CSE1L: variants seen among roughly 807,000 people sequenced by gnomAD.
CSE1L encodes exportin-2.
Under a neutral mutation model 120.4 loss-of-function variants are expected in CSE1L, and 24 were observed. That is an observed-to-expected ratio of 0.20 (90% confidence interval 0.14 to 0.28). CSE1L has a LOEUF of 0.28. CSE1L is among the 10% of genes least tolerant of loss of function. CSE1L has a pLI of 1.00. For missense variants in CSE1L, 830 were observed against 1,145.2 expected (o/e 0.72, Z 3.97); for synonymous variants, 402 against 398.3 (o/e 1.01, Z -0.11).
In CSE1L at chr20:49,068,771, G is replaced by C. The variant is rs1188054238; in HGVS notation, c.624G>C (p.Leu208=). The change falls in exon 7 of 25, where the codon CTG becomes CTC. Residue 208 remains leucine, a synonymous_variant. Coordinates refer to ENST00000262982, the MANE Select transcript of CSE1L (RefSeq NM_001316.4). The stretch of plus-strand genomic sequence containing the variant: ...ATGATGCCTCTGCCCTGAGGATTCT[G>C]TTTTCTTCCCTGATCCTGATCTCAA... ...HANDASALRI[L]FSSLILISKL... is the part of the protein sequence containing the mutation. 1 of 1,613,916 alleles carries C rather than the reference G, an allele frequency of 6.2e-7. No individual in the cohort carries two copies.
At chr20:49,069,146 T>C (rs1261739922) in intron 7 of CSE1L, among the ~76,000 whole-genome samples, 3 of 152,182 alleles carry the variant, frequency 2.0e-5, no homozygotes, top group African/African-American at 7.2e-5. Flanking sequence ...CTTTCGTTCA[T>C]TTATATGGGT....
rs566633577 is a variant in CSE1L, at chr20:49,065,422, A to G, written c.229-770A>G. On this transcript the variant is annotated intron_variant, in intron 3 of 24. Coordinates refer to ENST00000262982, the MANE Select transcript of CSE1L (RefSeq NM_001316.4). Reference sequence around the variant, plus strand: ...ATTGCAGCCTCTGCCTCTCAGGTCCAAATGATTGTCCTGCCTCAGCCTCCT... The same window carrying G: ...ATTGCAGCCTCTGCCTCTCAGGTCCGAATGATTGTCCTGCCTCAGCCTCCT... Among the ~76,000 whole-genome samples, 4 of 142,112 alleles carry G rather than the reference A, an allele frequency of 2.8e-5. No individual in the cohort carries two copies. The East Asian group carries it at 8.3e-4, about 30-fold the overall frequency. 93.2% of individuals were successfully genotyped at this position (142,112 alleles called of 152,430 possible).
Position 49,063,102 on chromosome 20 carries a change from C to T in CSE1L, c.86-100C>T, listed in dbSNP as rs543446236. 84 of 588,624 alleles carry T rather than the reference C, an allele frequency of 1.4e-4. No individual in the cohort carries two copies. In the East Asian group the frequency reaches 3.4e-3, roughly 24 times the overall value. 36.5% of individuals were successfully genotyped at this position (588,624 alleles called of 1,614,324 possible). On this transcript the variant is annotated intron_variant, in intron 2 of 24. Transcript: ENST00000262982. ...CCTGTAGACCCACAAATAACCTAAT[C>T]TTTTCTCTTTTTTTGATTTTTTTTT...
At chr20:49,061,318 G>A (rs1435452026) in intron 2 of CSE1L, among the ~76,000 whole-genome samples, 16 of 148,624 alleles carry the variant, frequency 1.1e-4, no homozygotes, top group African/African-American at 4.0e-4. Context: ...GACTACAGGC[G>A]CCCGCCACCA....
At position 49,046,838 on chromosome 20, in the gene CSE1L, C is replaced by T. The variant is rs926725438; in HGVS notation, c.-12+415C>T. 3.9e-5 allele frequency among the ~76,000 whole-genome samples: 6 copies of T among 152,230 alleles called. No individual in the cohort carries two copies. The South Asian group carries it at 1.0e-3, about 26-fold the overall frequency. On this transcript the variant is annotated intron_variant, in intron 1 of 24. Coordinates refer to ENST00000262982, the MANE Select transcript of CSE1L (RefSeq NM_001316.4). ...TCTGCGACGGTGGCTGCTAGCCGCG[C>T]GAGCTGAGTGTGCGGCGGCGAGGCC...
chr20:49,079,967 G>A (rs143723536), intron 14 of CSE1L, among the ~76,000 whole-genome samples: 7 of 152,140 alleles, frequency 4.6e-5, no homozygotes, highest in Admixed American at 6.5e-5. Context: ...CCATCTACTC[G>A]GGAGGCTGAG....
intron 18 of CSE1L, 67 bp from the exon 19 acceptor site, chr20:49,089,471 G>A (rs45549039): frequency 1.1e-5 from 18 of 1,594,742 alleles, no homozygotes; most frequent in East Asian, 4.5e-5. Flanking sequence ...CCACCTAAGC[G>A]ATGTGGGCCT....
At chr20:49,084,869 C>A (rs2092042254) in intron 15 of CSE1L, among the ~76,000 whole-genome samples, 1 of 152,136 alleles carries the variant, frequency 6.6e-6, no homozygotes, top group African/African-American at 2.4e-5. Flanking sequence ...GTAGAAAGGA[C>A]ATCCTTTGAG....
chr20:49,046,537 G>A (rs1014584587), intron 1 of CSE1L, 114 bp downstream of exon 1: 3 of 152,442 alleles, frequency 2.0e-5, no homozygotes, highest in East Asian at 3.9e-4. Context: ...GCGCCTCTGG[G>A]CGAGAGCGGA....
intron 17 of CSE1L, among the ~76,000 whole-genome samples, chr20:49,088,805 T>C (rs1484779469): frequency 1.3e-5 from 2 of 152,168 alleles, no homozygotes; most frequent in African/African-American, 4.8e-5. Flanking sequence ...ATGTTCTGAT[T>C]GAGTTAGATT....
Position 49,082,057 on chromosome 20 carries a change from G to A in CSE1L, c.1483-1969G>A, listed in dbSNP as rs73130189. On this transcript the variant is annotated intron_variant, in intron 14 of 24. Transcript: ENST00000262982. ...TCTTACGCTTTCACTACGCATTTATGTTTCTGCAAAAATTATTTAGTATTA... is the reference window on the plus strand; with the variant it reads ...TCTTACGCTTTCACTACGCATTTATATTTCTGCAAAAATTATTTAGTATTA... Among the ~76,000 whole-genome samples, 960 of 151,652 alleles carry A rather than the reference G, an allele frequency of 6.3e-3. 3 individuals are homozygous for A. The highest frequency in any genetic ancestry group is 8.0e-3 in the Non-Finnish European group (545 of 67,888).
chr20:49,078,529 A>T, intron 13 of CSE1L, 32 bp from the exon 14 acceptor site: 1 of 1,465,642 alleles, frequency 6.8e-7, no homozygotes. Flanking sequence ...CTTACCACTT[A>T]AGTAACTGTG....
intron 22 of CSE1L, among the ~76,000 whole-genome samples, chr20:49,092,730 T>C (rs918886968): frequency 6.6e-6 from 1 of 151,914 alleles, no homozygotes; most frequent in Non-Finnish European, 1.5e-5. Flanking sequence ...GACGAGTTAA[T>C]GGGTGCAGTA....
intron 15 of CSE1L, 92 bp from the exon 16 acceptor site, chr20:49,085,191 G>T: frequency 1.1e-6 from 1 of 895,752 alleles, no homozygotes; most frequent in Non-Finnish European, 1.8e-6. Context: ...TCAGTTTTAT[G>T]CTGAGAAGGG....
At position 49,089,328 on chromosome 20, in the gene CSE1L, G is replaced by T; in HGVS notation, c.1903G>T (p.Ala635Ser). 1 of 1,613,358 alleles carries T rather than the reference G, an allele frequency of 6.2e-7. No individual in the cohort carries two copies. Among genetic ancestry groups the T allele is most frequent in the Non-Finnish European group, 8.5e-7 (1 of 1,179,804 alleles). Residue 635 changes from alanine (A) to serine (S), a missense_variant, in exon 18 of 25, where the codon GCT becomes TCT. By Grantham distance (99) the Ala-to-Ser change is moderately conservative. Coordinates refer to ENST00000262982, the MANE Select transcript of CSE1L (RefSeq NM_001316.4). ...SIRITCKANP[A>S]AVVNFEEALF... is the part of the protein sequence containing the mutation. ...AAGAATAACTTGCAAAGCTAACCCTGCTGCTGTTGTAAATTTTGAGGAGGC... is the reference window on the plus strand; with the variant it reads ...AAGAATAACTTGCAAAGCTAACCCTTCTGCTGTTGTAAATTTTGAGGAGGC...
chr20:49,057,807 T>C lies in CSE1L; in HGVS notation c.-11-646T>C, dbSNP rs547267253. On this transcript the variant is annotated intron_variant, in intron 1 of 24. Coordinates refer to ENST00000262982, the MANE Select transcript of CSE1L (RefSeq NM_001316.4). ...CCACCATGTCCAGCTAATTTTTGTA[T>C]TTTTAGTAGAGACGGGATTTTACCA... 2.0e-5 allele frequency among the ~76,000 whole-genome samples: 3 copies of C among 152,290 alleles called. No individual in the cohort carries two copies. The East Asian group carries it at 5.8e-4, about 29-fold the overall frequency.
intron 5 of CSE1L, 68 bp downstream of exon 5, chr20:49,066,578 T>A: frequency 7.2e-7 from 1 of 1,391,328 alleles, no homozygotes; most frequent in African/African-American, 1.4e-5. Context: ...TAAACAGTTG[T>A]GTTTTTGTGA....
chr20:49,058,602 AAACCTATGT>A, intron 2 of CSE1L, 54 bp downstream of exon 2: 1 of 1,352,548 alleles, frequency 7.4e-7, no homozygotes, highest in African/African-American at 1.5e-5. Context: ...CAGGTGAGAG[AAACCTATGT>A]ATTATCTGCC....
intron 14 of CSE1L, among the ~76,000 whole-genome samples, chr20:49,080,344 G>C (rs539151417): frequency 4.7e-5 from 7 of 150,100 alleles, no homozygotes; most frequent in African/African-American, 1.7e-4. Flanking sequence ...GTCCCAAGTA[G>C]CTGGGACTAC....
Sources: gnomAD v4.1 joint callset for allele counts (sites outside exome capture counted in the v4.1 genomes callset) on GRCh38, gnomAD v4.1.1 for gene constraint, MANE v1.5 for transcripts, NCBI Gene and HGNC (gene_info 2026-07-23, HGNC 2026-07-21) for gene names.